PRKACA: variants seen among roughly 807,000 people sequenced by gnomAD.
PRKACA encodes the protein cAMP-dependent protein kinase catalytic subunit alpha.
PRKACA carries 9 observed loss-of-function variants against 45.8 expected under a neutral mutation model. The observed-to-expected ratio is 0.20, with a 90% CI of 0.12 to 0.34. The LOEUF (loss-of-function observed/expected upper bound fraction) is 0.34. Ranked by LOEUF, PRKACA falls within the 10% of genes least tolerant of loss-of-function variation. The pLI, the probability that PRKACA is intolerant of heterozygous loss-of-function variation, is 1.00. For synonymous variants in PRKACA, 160 were observed against 178.6 expected (o/e 0.90, Z 0.83); for missense variants, 238 against 458.6 (o/e 0.52, Z 4.39).
intron 1 of PRKACA, among the ~76,000 whole-genome samples, chr19:14,113,536 C>A (rs1435750065): frequency 1.3e-5 from 2 of 152,166 alleles, no homozygotes; most frequent in Non-Finnish European, 1.5e-5. Context: ...TGGGGAATTG[C>A]AACAGCAGAA....
At chr19:14,117,162 TG>T (rs2144500984) in intron 1 of PRKACA, among the ~76,000 whole-genome samples, 1 of 75,982 alleles carries the variant, frequency 1.3e-5, no homozygotes, top group Non-Finnish European at 2.7e-5. Context: ...AGTGAGGAAG[TG>T]GGGGGATTAG....
At chr19:14,101,672 C>T (rs545774580) in intron 4 of PRKACA, among the ~76,000 whole-genome samples, 2 of 142,292 alleles carry the variant, frequency 1.4e-5, no homozygotes, top group Non-Finnish European at 3.1e-5. Flanking sequence ...ACCAGCCTGA[C>T]CAACATGGGG....
chr19:14,113,526 TG>T (rs1385458210), intron 1 of PRKACA, among the ~76,000 whole-genome samples: 1 of 152,110 alleles, frequency 6.6e-6, no homozygotes, highest in Non-Finnish European at 1.5e-5. Context: ...GCCCTGGGAA[TG>T]GGGAATTGCA....
chr19:14,097,365 C>G lies in PRKACA; in HGVS notation c.761G>C (p.Gly254Ala). The G allele has an allele frequency of 6.2e-7, 1 of 1,614,128 alleles. No homozygotes were observed. Among genetic ancestry groups the G allele is most frequent in the Non-Finnish European group, 8.5e-7 (1 of 1,180,028 alleles). Reference protein sequence around the residue: ...PIQIYEKIVSGKVRFPSHFSS... With the variant: ...PIQIYEKIVSAKVRFPSHFSS... ...GTCCCCACATCCGGACCTCACCTTC[C>G]CAGAGACGATCTTCTCATAGATCTG... is the stretch of plus-strand genomic sequence containing the variant. The change falls in exon 8 of 10, where the codon GGG (glycine) becomes GCG (alanine). Residue 254 changes from glycine (G) to alanine (A), a missense_variant. Physicochemically the swap from Gly to Ala is moderately conservative, Grantham distance 60. Coordinates refer to ENST00000308677, the MANE Select transcript of PRKACA (RefSeq NM_002730.4). The surrounding 1 kb of genome is among the most constrained non-coding windows in gnomAD (Gnocchi z 5.4).
At position 14,106,616 on chromosome 19, in the gene PRKACA, T is replaced by C. The variant is rs779110082; in HGVS notation, c.237+144A>G. 55 of 1,178,448 alleles carry C rather than the reference T, an allele frequency of 4.7e-5. 3 individuals carry two copies. In the South Asian group the frequency reaches 7.4e-4, roughly 16 times the overall value. 73.0% of individuals were successfully genotyped at this position (1,178,448 alleles called of 1,614,324 possible). On this transcript the variant is annotated intron_variant, in intron 3 of 9. Transcript: ENST00000308677. ...TTGCAGTGAGCCGAGATCACGCCAC[T>C]GTACTCCAGCCTGAGCGACAGAGCG...
chr19:14,104,143 C>T (rs1440485072), intron 3 of PRKACA, among the ~76,000 whole-genome samples: 2 of 151,620 alleles, frequency 1.3e-5, no homozygotes, highest in African/African-American at 2.4e-5. Flanking sequence ...CGAGACCATC[C>T]TGGCTAACAT....
chr19:14,107,481 G>A (rs1977647994), intron 1 of PRKACA, 72 bp from the exon 2 acceptor site: 3 of 1,529,584 alleles, frequency 2.0e-6, no homozygotes, highest in Non-Finnish European at 2.7e-6. Context: ...GATTTCTGGG[G>A]AGATACTTGG....
chr19:14,095,805 C>T (rs924718004), intron 8 of PRKACA, among the ~76,000 whole-genome samples: 8 of 152,000 alleles, frequency 5.3e-5, no homozygotes, highest in East Asian at 1.9e-4. Flanking sequence ...TGTGAGCCAC[C>T]GCGCCTGGCC....
At chr19:14,098,746 G>A (rs904108487) in intron 5 of PRKACA, among the ~76,000 whole-genome samples, 52 of 148,970 alleles carry the variant, frequency 3.5e-4, no homozygotes, top group African/African-American at 1.0e-3. Flanking sequence ...CGCCCGCCTC[G>A]GCCTCCCAAA....
Position 14,097,322 on chromosome 19 carries a change from TG to T in PRKACA, c.765+38del. ...TAGGATGGGTGAGCAGGGAACGGTC[TG>T]TTTCTTCCAGGGCTGTGTCCCCACA... On this transcript the variant is annotated intron_variant, in intron 8 of 9. Transcript: ENST00000308677. The surrounding 1 kb of genome is among the most constrained non-coding windows in gnomAD (Gnocchi z 5.4). The T allele has an allele frequency of 6.2e-7, 1 of 1,613,560 alleles. No individual in the cohort carries two copies. Among genetic ancestry groups the T allele is most frequent in the Non-Finnish European group, 8.5e-7 (1 of 1,179,662 alleles).
chr19:14,099,073 C>T (rs992572539), intron 5 of PRKACA, among the ~76,000 whole-genome samples: 1 of 151,966 alleles, frequency 6.6e-6, no homozygotes, highest in South Asian at 2.1e-4. Context: ...GGGCGGATCA[C>T]CTGAGGTCAG....
chr19:14,105,618 T>C (rs993915151), intron 3 of PRKACA, among the ~76,000 whole-genome samples: 1 of 152,166 alleles, frequency 6.6e-6, no homozygotes, highest in Non-Finnish European at 1.5e-5. Context: ...CTTTGGGTGT[T>C]TTTTTAGAGA....
At chr19:14,109,023 C>T (rs898488642) in intron 1 of PRKACA, among the ~76,000 whole-genome samples, 1 of 151,308 alleles carries the variant, frequency 6.6e-6, no homozygotes, top group Non-Finnish European at 1.5e-5. Flanking sequence ...CCACCGTGCC[C>T]AGCCTATTAT....
intron 1 of PRKACA, among the ~76,000 whole-genome samples, chr19:14,110,038 G>A (rs1966923639): frequency 7.2e-5 from 10 of 137,954 alleles, no homozygotes; most frequent in Admixed American, 6.7e-4. Flanking sequence ...AGCCGGGAAC[G>A]GTGGCTCATG....
chr19:14,102,606 C>G (rs762416913), intron 4 of PRKACA, among the ~76,000 whole-genome samples: 3 of 152,152 alleles, frequency 2.0e-5, no homozygotes, highest in Non-Finnish European at 4.4e-5. Context: ...CCAAGGGTAT[C>G]GAACTACAAA....
At chr19:14,098,164 G>C (rs1231721348) in intron 5 of PRKACA, 1 of 363,370 alleles carries the variant, frequency 2.8e-6, no homozygotes, top group African/African-American at 2.0e-5. Flanking sequence ...CAACAATGTG[G>C]CTGCATTTCA....
chr19:14,107,726 A>G, intron 1 of PRKACA: 1 of 1,119,394 alleles, frequency 8.9e-7, no homozygotes, highest in Non-Finnish European at 1.1e-6. Context: ...TTCCATGGCC[A>G]GGGCCGACGC....
intron 4 of PRKACA, 158 bp from the exon 5 acceptor site, chr19:14,101,066 C>T: frequency 1.6e-6 from 1 of 641,504 alleles, no homozygotes; most frequent in Non-Finnish European, 2.8e-6. Flanking sequence ...CCTTATCCTG[C>T]TGTTAATGGG....
chr19:14,094,687 C>G (rs532215536), intron 8 of PRKACA, among the ~76,000 whole-genome samples: 1 of 152,324 alleles, frequency 6.6e-6, no homozygotes, highest in South Asian at 2.1e-4. Context: ...CTACTGGACT[C>G]TAGAACTTGC....
Sources: allele counts gnomAD v4.1 joint callset (sites outside exome capture counted in the v4.1 genomes callset), GRCh38; gene constraint gnomAD v4.1.1; non-coding constraint Gnocchi (gnomAD v3.1); transcripts MANE v1.5; gene names NCBI Gene and HGNC (gene_info 2026-07-23, HGNC 2026-07-21).